CCDC66: variants seen among roughly 807,000 people sequenced by gnomAD.
The protein encoded by CCDC66 is coiled-coil domain containing 66.
In CCDC66, 133 loss-of-function variants were observed where a neutral mutation model predicts 128.3. That is an observed-to-expected ratio of 1.04 (90% CI 0.90 to 1.20). CCDC66 has a LOEUF of 1.20. CCDC66 is among the 50% of genes most tolerant of loss of function. The pLI is 0.00. For missense variants in CCDC66, 1,126 were observed against 1,075.5 expected, an observed-to-expected ratio of 1.05 and a Z score of -0.66; for synonymous variants, 387 against 357.0, an observed-to-expected ratio of 1.08 and a Z score of -0.95.
chr3:56,558,799 G>A, intron 1 of CCDC66, 47 bp from the exon 2 acceptor site: 1 of 1,225,090 alleles, frequency 8.2e-7, no homozygotes, highest in Non-Finnish European at 1.2e-6. Context: ...TATTTAAAAT[G>A]TTGCGGTTTG....
At chr3:56,617,035 T>G (rs1016106881) in intron 13 of CCDC66, 77 bp from the exon 14 acceptor site, 26 of 1,183,150 alleles carry the variant, frequency 2.2e-5, no homozygotes, top group South Asian at 8.7e-5. Context: ...AATAATTGTT[T>G]AATGTTTTGG....
chr3:56,584,666 C>T (rs532818960), intron 7 of CCDC66, among the ~76,000 whole-genome samples: 12 of 151,634 alleles, frequency 7.9e-5, no homozygotes, highest in Non-Finnish European at 1.6e-4. Flanking sequence ...CAGGCAGAGA[C>T]GCTCCTCACT....
chr3:56,563,092 G>T (rs1245354012), intron 3 of CCDC66, among the ~76,000 whole-genome samples: 1 of 152,094 alleles, frequency 6.6e-6, no homozygotes, highest in Non-Finnish European at 1.5e-5. Flanking sequence ...TGGGCTTGGT[G>T]GCTCACGCCT....
chr3:56,593,706 T>TA lies in CCDC66; in HGVS notation c.1286dup (p.Asp430GlyfsTer8). 9.3e-6 allele frequency: 15 copies of TA among 1,613,972 alleles called. No individual in the cohort carries two copies. Among genetic ancestry groups the TA allele is most frequent in the Non-Finnish European group, 1.2e-5 (14 of 1,179,840 alleles). On this transcript the variant is annotated frameshift_variant, in exon 9 of 18. Coordinates refer to ENST00000394672, the MANE Select transcript of CCDC66 (RefSeq NM_001141947.3). LOFTEE classifies it high-confidence loss of function. Reference sequence around the variant, plus strand: ...AGGAGGAGCATATAGCAAAACCTATTAAGGATGTGGTTATGGCAAACAGTA... The same window carrying TA: ...AGGAGGAGCATATAGCAAAACCTATTAAAGGATGTGGTTATGGCAAACAGTA...
intron 7 of CCDC66, among the ~76,000 whole-genome samples, chr3:56,575,169 G>C (rs1457803264): frequency 6.6e-6 from 1 of 151,768 alleles, no homozygotes; most frequent in Non-Finnish European, 1.5e-5. Flanking sequence ...TAAATTTTGT[G>C]TTAAACTGCT....
intron 10 of CCDC66, among the ~76,000 whole-genome samples, chr3:56,608,246 A>C (rs997742128): frequency 7.9e-5 from 12 of 152,272 alleles, no homozygotes; most frequent in African/African-American, 2.9e-4. Context: ...TGCTGCTGTT[A>C]ATCCATCTGG....
rs747825175 is a variant in CCDC66, at chr3:56,593,677, T to G, written c.1255T>G (p.Ser419Ala). The change falls in exon 9 of 18, where the codon TCA becomes GCA. Residue 419 changes from serine (S) to alanine (A), a missense_variant. Coordinates refer to ENST00000394672, the MANE Select transcript of CCDC66 (RefSeq NM_001141947.3). The part of the protein sequence containing the change: ...TPTTGSQVEP[S>A]EEEHIAKPIK... Reference sequence around the variant, plus strand: ...TACAACCGGAAGCCAGGTTGAACCTTCAGAGGAGGAGCATATAGCAAAACC... The same window carrying G: ...TACAACCGGAAGCCAGGTTGAACCTGCAGAGGAGGAGCATATAGCAAAACC... 1.2e-6 allele frequency: 2 copies of G among 1,614,054 alleles called. No individual in the cohort carries two copies. Among genetic ancestry groups the G allele is most frequent in the Non-Finnish European group, 1.7e-6 (2 of 1,180,032 alleles).
At chr3:56,606,551 G>A (rs2074094214) in intron 10 of CCDC66, among the ~76,000 whole-genome samples, 1 of 151,928 alleles carries the variant, frequency 6.6e-6, no homozygotes, top group South Asian at 2.1e-4. Context: ...CTGACCCTTT[G>A]CACTTTCTGG....
chr3:56,581,824 T>C (rs1468050748), intron 7 of CCDC66, among the ~76,000 whole-genome samples: 1 of 151,806 alleles, frequency 6.6e-6, no homozygotes, highest in Non-Finnish European at 1.5e-5. Context: ...AGTCGGCCCC[T>C]ACTGGGAGGT....
chr3:56,621,543 G>GAA lies in CCDC66; in HGVS notation c.2773_2774dup (p.Gln926SerfsTer12). 6.3e-7 allele frequency: 1 copy of GAA among 1,591,898 alleles called. No individual in the cohort carries two copies. Among genetic ancestry groups the GAA allele is most frequent in the South Asian group, 1.1e-5 (1 of 87,032 alleles). ...CAATGTGATTTCAGGGCCTTCTCCA[G>GAA]AAGCAAAAGGAGTTGGAAAGTAGTC... On this transcript the variant is annotated frameshift_variant, in exon 18 of 18. Transcript: ENST00000394672. LOFTEE classifies it high-confidence loss of function.
chr3:56,573,724 T>TAA lies in CCDC66; in HGVS notation c.936+2423_936+2424insAA, dbSNP rs1401828704. On this transcript the variant is annotated intron_variant, in intron 7 of 17. Transcript: ENST00000394672. ...GAAGGGCTGGTTTCTGTTTAGCCCT[T>TAA]AGGCTAAATAGTGGTTAGCCAGGGA... Among the ~76,000 whole-genome samples the TAA allele has an allele frequency of 7.1e-3, 1,071 of 151,592 alleles. 33 individuals are homozygous for TAA. The East Asian group carries it at 0.071, about 10-fold the overall frequency.
At chr3:56,579,199 G>A (rs1312347109) in intron 7 of CCDC66, among the ~76,000 whole-genome samples, 9 of 151,806 alleles carry the variant, frequency 5.9e-5, no homozygotes, top group Admixed American at 2.0e-4. Flanking sequence ...TTGTGTAGAG[G>A]TGTTTATAGT....
At chr3:56,601,802 T>G (rs957505932) in intron 10 of CCDC66, among the ~76,000 whole-genome samples, 6 of 152,094 alleles carry the variant, frequency 3.9e-5, no homozygotes, top group African/African-American at 1.5e-4. Flanking sequence ...ATGCTTGTGA[T>G]TTTTGCACAT....
chr3:56,616,170 A>G, intron 13 of CCDC66, 117 bp downstream of exon 13: 5 of 879,968 alleles, frequency 5.7e-6, no homozygotes, highest in Non-Finnish European at 8.7e-6. Flanking sequence ...GTTTTCAGTA[A>G]GAGTTACAAA....
In CCDC66 at chr3:56,582,154, A is replaced by C. The variant is rs187446075; in HGVS notation, c.937-10816A>C. Among the ~76,000 whole-genome samples, 48 of 152,006 alleles carry C rather than the reference A, an allele frequency of 3.2e-4. 1 individual carries two copies. The East Asian group carries it at 9.1e-3, about 29-fold the overall frequency. On this transcript the variant is annotated intron_variant, in intron 7 of 17. Coordinates refer to ENST00000394672, the MANE Select transcript of CCDC66 (RefSeq NM_001141947.3). ...CAGCCTTGCTGCCGCCTTGCAGTTC[A>C]GTCTCAGACTGCTGTGCTAGCAGTG...
At chr3:56,607,251 A>G (rs772880392) in intron 10 of CCDC66, among the ~76,000 whole-genome samples, 1 of 152,138 alleles carries the variant, frequency 6.6e-6, no homozygotes, top group Non-Finnish European at 1.5e-5. Flanking sequence ...CATTTTCACA[A>G]TGTTGATTCT....
intron 10 of CCDC66, among the ~76,000 whole-genome samples, chr3:56,603,383 G>T (rs1265549163): frequency 6.6e-6 from 1 of 151,992 alleles, no homozygotes; most frequent in South Asian, 2.1e-4. Flanking sequence ...ATGTTAGGGT[G>T]TCAATTTTAG....
intron 10 of CCDC66, among the ~76,000 whole-genome samples, chr3:56,603,094 C>G (rs1183995954): frequency 2.0e-5 from 3 of 151,980 alleles, no homozygotes. Flanking sequence ...CTCGGCCTCC[C>G]AAAGTACTGG....
chr3:56,581,674 G>T (rs1235965374), intron 7 of CCDC66, among the ~76,000 whole-genome samples: 1 of 151,774 alleles, frequency 6.6e-6, no homozygotes, highest in Non-Finnish European at 1.5e-5. Context: ...GTTTGCTGGA[G>T]GTCCACTCCA....
Sources: allele counts gnomAD v4.1 joint callset (sites outside exome capture counted in the v4.1 genomes callset), GRCh38; gene constraint gnomAD v4.1.1; transcripts MANE v1.5; gene names NCBI Gene and HGNC (gene_info 2026-07-23, HGNC 2026-07-21).